The following SNCAIP variants were observed in gnomAD, a reference collection of about 807,000 sequenced individuals.
The protein encoded by SNCAIP is synuclein alpha interacting protein, also known as synphilin-1.
A neutral mutation model predicts 86.7 loss-of-function variants in SNCAIP; 43 were observed. The ratio of observed to expected loss-of-function variants is 0.50; its 90% CI spans 0.39 to 0.64. SNCAIP has a LOEUF of 0.64. Among genes scored for constraint, SNCAIP ranks in the 30% least tolerant of loss-of-function variants. The pLI is 0.00. For missense variants in SNCAIP, 981 were observed against 1,103.1 expected (o/e 0.89, Z 1.57); for synonymous variants, 417 against 427.2 (o/e 0.98, Z 0.29).
intron 1 of SNCAIP, among the ~76,000 whole-genome samples, chr5:122,333,364 G>C (rs1037131811): frequency 6.6e-6 from 1 of 152,238 alleles, no homozygotes; most frequent in South Asian, 2.1e-4. Flanking sequence ...TTGTTGGTTA[G>C]GTATTTTCCA....
intron 6 of SNCAIP, among the ~76,000 whole-genome samples, chr5:122,437,708 T>C (rs559137015): frequency 1.3e-5 from 2 of 152,336 alleles, no homozygotes; most frequent in East Asian, 3.9e-4. Flanking sequence ...AGAAGAGTTA[T>C]CCATGCCTTC....
rs556469629 is a variant in SNCAIP at position 122,431,145 on chromosome 5, C to G, written c.1183-824C>G. Among the ~76,000 whole-genome samples the G allele has an allele frequency of 6.6e-5, 10 of 152,182 alleles. No homozygotes were observed. The South Asian group carries it at 1.0e-3, about 16-fold the overall frequency. ...TTAGTTTTGGAACAATTAGAATGCT[C>G]ATATGATGCTGGTGGTGATATAAAG... On this transcript the variant is annotated intron_variant, in intron 5 of 10. Transcript: ENST00000261368.
At chr5:122,317,631 A>G (rs1213208036) in intron 1 of SNCAIP, among the ~76,000 whole-genome samples, 4 of 152,182 alleles carry the variant, frequency 2.6e-5, no homozygotes, top group Non-Finnish European at 1.5e-5. Context: ...GAGACTAGTC[A>G]GCAAAACTCT....
intron 2 of SNCAIP, among the ~76,000 whole-genome samples, chr5:122,403,470 A>G (rs1472481854): frequency 6.6e-6 from 1 of 152,138 alleles, no homozygotes; most frequent in Non-Finnish European, 1.5e-5. Flanking sequence ...TGAAACTCTC[A>G]GGGTCAGACA....
At chr5:122,384,094 C>T (rs947735828) in intron 1 of SNCAIP, among the ~76,000 whole-genome samples, 3 of 152,242 alleles carry the variant, frequency 2.0e-5, no homozygotes, top group Non-Finnish European at 2.9e-5. Flanking sequence ...CCAAACAATA[C>T]AATTCAGGGC....
intron 2 of SNCAIP, among the ~76,000 whole-genome samples, chr5:122,402,334 G>C (rs764975751): frequency 4.7e-4 from 72 of 152,040 alleles, no homozygotes; most frequent in Non-Finnish European, 8.8e-4. Context: ...AGAACATAAT[G>C]TGAAAGGAAA....
intron 6 of SNCAIP, among the ~76,000 whole-genome samples, chr5:122,438,008 C>A (rs951571656): frequency 6.6e-6 from 1 of 151,932 alleles, no homozygotes; most frequent in African/African-American, 2.4e-5. Context: ...ATAGACATAC[C>A]CCCCATAATA....
intron 1 of SNCAIP, among the ~76,000 whole-genome samples, chr5:122,326,527 T>C (rs1028318647): frequency 6.6e-5 from 10 of 151,450 alleles, no homozygotes; most frequent in African/African-American, 2.4e-4. Context: ...ACCTCATGAG[T>C]GTATCTTTCA....
chr5:122,434,373 G>A (rs111896648), intron 6 of SNCAIP, among the ~76,000 whole-genome samples: 2,304 of 152,220 alleles, frequency 0.015, 56 homozygotes, highest in African/African-American at 0.051. Context: ...TTGATTATAT[G>A]TGCCAGTTTC....
chr5:122,444,024 T>G (rs1280475311), intron 7 of SNCAIP: 1 of 456,214 alleles, frequency 2.2e-6, no homozygotes, highest in Non-Finnish European at 4.4e-6. Flanking sequence ...CCATAGCCCA[T>G]TGTGGGAGGG....
chr5:122,440,684 A>G lies in SNCAIP; in HGVS notation c.1352A>G (p.Asp451Gly). The change falls in exon 7 of 11, where the codon GAT becomes GGT. Residue 451 changes from aspartate (D) to glycine (G), a missense_variant. Transcript: ENST00000261368. ...ATGCAAGAACAGGGCATCTCGTTGG[A>G]TGAAGTAGACCAGGATGGCAACAGT... ...QFMQEQGISLDEVDQDGNSAV... is the reference protein window; with the variant it reads ...QFMQEQGISLGEVDQDGNSAV... 6.2e-7 allele frequency: 1 copy of G among 1,614,046 alleles called. No individual in the cohort carries two copies. The highest frequency in any genetic ancestry group is 8.5e-7 in the Non-Finnish European group (1 of 1,179,896).
At chr5:122,327,035 T>C (rs548677940) in intron 1 of SNCAIP, among the ~76,000 whole-genome samples, 2 of 151,940 alleles carry the variant, frequency 1.3e-5, no homozygotes, top group East Asian at 1.9e-4. Flanking sequence ...GATCTCCCAG[T>C]TGATCCAAGT....
chr5:122,359,349 T>TTTTTATTTATTTATTTA (rs372903978), intron 1 of SNCAIP, among the ~76,000 whole-genome samples: 6 of 142,238 alleles, frequency 4.2e-5, no homozygotes, highest in Middle Eastern at 3.7e-3. Context: ...AGATTTTTAT[T>TTTTTATTTATTTATTTA]TTTATTTATT....
rs201701206 is a variant in SNCAIP at position 122,347,996 on chromosome 5, A to AG, written c.-47+35713dup. Among the ~76,000 whole-genome samples, 765 of 152,236 alleles carry AG rather than the reference A, an allele frequency of 5.0e-3. 5 individuals carry two copies. The highest frequency in any genetic ancestry group is 0.017 in the African/African-American group (717 of 41,570). On this transcript the variant is annotated intron_variant, in intron 1 of 10. Coordinates refer to ENST00000261368, the MANE Select transcript of SNCAIP (RefSeq NM_005460.4). ...GCATGTTATGAGCAAGCCAACGTAT[A>AG]GATAGTTTGTTGTTACATCTTAAGT...
At position 122,426,932 on chromosome 5, in the gene SNCAIP, ATAT is replaced by A. The variant is rs201020995; in HGVS notation, c.1182+1406_1182+1408del. 9.0e-3 allele frequency among the ~76,000 whole-genome samples: 1,368 copies of A among 152,276 alleles called. 17 individuals are homozygous for A. The highest frequency in any genetic ancestry group is 0.03 in the African/African-American group (1,252 of 41,556). On this transcript the variant is annotated intron_variant, in intron 5 of 10. Coordinates refer to ENST00000261368, the MANE Select transcript of SNCAIP (RefSeq NM_005460.4). The stretch of plus-strand genomic sequence containing the variant: ...CATAGTCCCTACTCTTAAGGAGCTA[ATAT>A]TATTGCTAGTGGATAAGACTGGTAA...
At chr5:122,352,241 C>G (rs1043013103) in intron 1 of SNCAIP, among the ~76,000 whole-genome samples, 2 of 152,154 alleles carry the variant, frequency 1.3e-5, no homozygotes, top group African/African-American at 4.8e-5. Context: ...CTAAAAGTCT[C>G]AAAGGTCATT....
rs958877250 is a variant in SNCAIP at position 122,344,213 on chromosome 5, A to G, written c.-47+31929A>G. Among the ~76,000 whole-genome samples, 26 of 152,202 alleles carry G rather than the reference A, an allele frequency of 1.7e-4. 1 individual carries two copies. Among genetic ancestry groups the G allele is most frequent in the African/African-American group, 5.3e-4 (22 of 41,456 alleles). ...GTGCTATTACCCCAGAACACAGATC[A>G]ATGCCTGCCACATAATTTGAATCCA... is the stretch of plus-strand genomic sequence containing the variant. On this transcript the variant is annotated intron_variant, in intron 1 of 10. Transcript: ENST00000261368.
At chr5:122,441,003 T>TGC (rs1780757549) in intron 7 of SNCAIP, 1 of 478,504 alleles carries the variant, frequency 2.1e-6, no homozygotes, top group African/African-American at 2.0e-5. Context: ...CCCTTATCAC[T>TGC]GCTCTAAAGC....
intron 1 of SNCAIP, among the ~76,000 whole-genome samples, chr5:122,360,500 T>A (rs1312817508): frequency 6.6e-6 from 1 of 152,230 alleles, no homozygotes; most frequent in Non-Finnish European, 1.5e-5. Context: ...TAAGATGGAA[T>A]GATTTTAGGC....
Sources: allele counts gnomAD v4.1 joint callset (sites outside exome capture counted in the v4.1 genomes callset), GRCh38; gene constraint gnomAD v4.1.1; transcripts MANE v1.5; gene names NCBI Gene and HGNC (gene_info 2026-07-23, HGNC 2026-07-21).